Variants in LRFN5 observed in about 807,000 individuals in gnomAD.
LRFN5 encodes the protein leucine-rich repeat and fibronectin type-III domain-containing protein 5.
Under a neutral mutation model 45.6 loss-of-function variants are expected in LRFN5, and 24 were observed. The observed-to-expected ratio is 0.53, with a 90% confidence interval of 0.38 to 0.74. LRFN5 has a LOEUF of 0.74. Among genes scored for constraint, LRFN5 ranks in the 30% least tolerant of loss-of-function variants. The probability of loss-of-function intolerance (pLI) is 0.00; values close to 1 mark genes in which losing one functional copy is unlikely to be tolerated. For synonymous variants in LRFN5, 340 were observed against 313.8 expected, an observed-to-expected ratio of 1.08 and a Z score of -0.88; for missense variants, 776 against 861.5, an observed-to-expected ratio of 0.90 and a Z score of 1.24.
intron 1 of LRFN5, among the ~76,000 whole-genome samples, chr14:41,761,139 A>G (rs1473609880): frequency 6.6e-6 from 1 of 152,154 alleles, no homozygotes; most frequent in Non-Finnish European, 1.5e-5. Flanking sequence ...GTGTGCATGT[A>G]TGTAATATAT....
intron 5 of LRFN5, among the ~76,000 whole-genome samples, chr14:41,902,961 A>C (rs1795593486): frequency 6.6e-6 from 1 of 151,710 alleles, no homozygotes; most frequent in Non-Finnish European, 1.5e-5. Context: ...TGTTTTTCTT[A>C]GTATATTCCA....
At chr14:41,696,110 G>A (rs1238112076) in intron 1 of LRFN5, among the ~76,000 whole-genome samples, 1 of 151,880 alleles carries the variant, frequency 6.6e-6, no homozygotes, top group African/African-American at 2.4e-5. Context: ...TTCAGTGGAG[G>A]AAGTAACTGA....
At chr14:41,758,698 T>A (rs1024989505) in intron 1 of LRFN5, among the ~76,000 whole-genome samples, 2 of 152,238 alleles carry the variant, frequency 1.3e-5, no homozygotes, top group Admixed American at 6.5e-5. Context: ...TCATCTTTAG[T>A]TCTTCATTCT....
chr14:41,639,975 T>A (rs1045982241), intron 1 of LRFN5, among the ~76,000 whole-genome samples: 5 of 145,720 alleles, frequency 3.4e-5, no homozygotes, highest in South Asian at 4.5e-4. Context: ...TTTTTTTTTT[T>A]TTTATTTACA....
chr14:41,619,010 G>A (rs1888020346), intron 1 of LRFN5, among the ~76,000 whole-genome samples: 1 of 151,342 alleles, frequency 6.6e-6, no homozygotes, highest in Non-Finnish European at 1.5e-5. Flanking sequence ...CATTGTATTA[G>A]AGAAGCTTCT....
rs192118620 is a variant in LRFN5 at position 41,735,472 on chromosome 14, A to G, written c.-196-31382A>G. ...CTTTTAGCAGAGGATGGGTCTCCCT[A>G]TGTTGCTCAGGCTGGTCATAAACTC... is the stretch of plus-strand genomic sequence containing the variant. On this transcript the variant is annotated intron_variant, in intron 1 of 5. Transcript: ENST00000298119. 1.6e-3 allele frequency among the ~76,000 whole-genome samples: 246 copies of G among 151,778 alleles called. 2 individuals carry two copies. Among genetic ancestry groups the G allele is most frequent in the Non-Finnish European group, 1.8e-4 (12 of 67,890 alleles).
chr14:41,685,474 A>T (rs1440910463), intron 1 of LRFN5, among the ~76,000 whole-genome samples: 1 of 152,134 alleles, frequency 6.6e-6, no homozygotes, highest in Non-Finnish European at 1.5e-5. Flanking sequence ...GTTTAATTAG[A>T]TCCTATCTGT....
chr14:41,891,516 G>C lies in LRFN5; in HGVS notation c.1652G>C (p.Arg551Pro), dbSNP rs770689533. The change falls in exon 4 of 6, where the codon CGG (arginine) becomes CCG (proline). Residue 551 changes from arginine to proline, a missense_variant. Transcript: ENST00000298119. ...GTATTCATCATTATTCTGATGATCC[G>C]GTATAAGGTTTGCAACAATAATGGG... The part of the protein sequence containing the change: ...VLVFIIILMI[R>P]YKVCNNNGQH... 6.2e-7 allele frequency: 1 copy of C among 1,614,072 alleles called. No homozygotes were observed.
chr14:41,706,291 C>A (rs1054385029), intron 1 of LRFN5, among the ~76,000 whole-genome samples: 1 of 151,734 alleles, frequency 6.6e-6, no homozygotes, highest in East Asian at 1.9e-4. Context: ...GTAGAGACAG[C>A]GTTTCTCCAT....
intron 1 of LRFN5, among the ~76,000 whole-genome samples, chr14:41,624,667 C>T (rs527684358): frequency 6.6e-6 from 1 of 152,050 alleles, no homozygotes; most frequent in African/African-American, 2.4e-5. Context: ...AATACTGTTA[C>T]TCTACATTAC....
intron 1 of LRFN5, among the ~76,000 whole-genome samples, chr14:41,617,304 T>G (rs1303828199): frequency 6.6e-6 from 1 of 152,140 alleles, no homozygotes; most frequent in African/African-American, 2.4e-5. Flanking sequence ...CATGATTGTC[T>G]CTGTTTTTTA....
chr14:41,805,198 T>A (rs1887477389), intron 2 of LRFN5, among the ~76,000 whole-genome samples: 1 of 151,890 alleles, frequency 6.6e-6, no homozygotes, highest in African/African-American at 2.4e-5. Context: ...TGTCAGCAAA[T>A]GTCTGAACAT....
intron 1 of LRFN5, among the ~76,000 whole-genome samples, chr14:41,684,270 A>G (rs989075926): frequency 1.3e-5 from 2 of 152,210 alleles, no homozygotes; most frequent in Non-Finnish European, 2.9e-5. Flanking sequence ...CTCTTGCTGT[A>G]TTATTCCATT....
rs1377101488 is a variant in LRFN5 at position 41,856,659 on chromosome 14, A to AATT, written c.-20-29931_-20-29929dup. Among the ~76,000 whole-genome samples the AATT allele has an allele frequency of 9.2e-3, 457 of 49,642 alleles. 67 individuals are homozygous for AATT. The highest frequency in any genetic ancestry group is 0.016 in the African/African-American group (196 of 12,040). The allele number at this position is 49,642 out of a possible 152,430, so 32.6% of individuals were successfully genotyped here. Reference sequence around the variant, plus strand: ...AGTCTTTTGTAATTCTTTCTTTCCTAATTATTATTATTATTATTTTTTTTT... The same window carrying AATT: ...AGTCTTTTGTAATTCTTTCTTTCCTAATTATTATTATTATTATTATTTTTTTTT... On this transcript the variant is annotated intron_variant, in intron 2 of 5. Coordinates refer to ENST00000298119, the MANE Select transcript of LRFN5 (RefSeq NM_152447.5).
chr14:41,742,038 A>G (rs750942652), intron 1 of LRFN5, among the ~76,000 whole-genome samples: 22 of 151,824 alleles, frequency 1.4e-4, no homozygotes, highest in Non-Finnish European at 3.2e-4. Flanking sequence ...AGTGTTGGCA[A>G]GAAATGGACC....
intron 1 of LRFN5, among the ~76,000 whole-genome samples, chr14:41,621,732 A>T: frequency 6.6e-6 from 1 of 152,146 alleles, no homozygotes; most frequent in South Asian, 2.1e-4. Flanking sequence ...TTTTTTGTTC[A>T]GACAACCAAT....
chr14:41,869,428 C>CT lies in LRFN5; in HGVS notation c.-20-17166dup, dbSNP rs143045395. ...TCCTCATTGTGTTAACTTTATGCAGCTTTTTTTTTTTTAAAAAAAGGTTTT... is the reference window on the plus strand; with the variant it reads ...TCCTCATTGTGTTAACTTTATGCAGCTTTTTTTTTTTTTAAAAAAAGGTTTT... On this transcript the variant is annotated intron_variant, in intron 2 of 5. Coordinates refer to ENST00000298119, the MANE Select transcript of LRFN5 (RefSeq NM_152447.5). Among the ~76,000 whole-genome samples the CT allele has an allele frequency of 1.3e-3, 193 of 143,986 alleles. 1 individual carries two copies. In the East Asian group the frequency reaches 0.018, roughly 13 times the overall value. 94.5% of individuals were successfully genotyped at this position (143,986 alleles called of 152,430 possible).
intron 1 of LRFN5, among the ~76,000 whole-genome samples, chr14:41,762,326 C>T (rs1411186297): frequency 1.3e-5 from 2 of 151,950 alleles, no homozygotes. Context: ...TAGTTGTTCT[C>T]GTTTACAATG....
At chr14:41,729,139 T>C (rs1884060107) in intron 1 of LRFN5, among the ~76,000 whole-genome samples, 1 of 152,156 alleles carries the variant, frequency 6.6e-6, no homozygotes, top group Non-Finnish European at 1.5e-5. Flanking sequence ...TGTCGAAATG[T>C]GATTCCCAGT....
Sources: allele counts gnomAD v4.1 joint callset (sites outside exome capture counted in the v4.1 genomes callset), GRCh38; gene constraint gnomAD v4.1.1; transcripts MANE v1.5; gene names NCBI Gene and HGNC (gene_info 2026-07-23, HGNC 2026-07-21).